RYR2: variants seen among roughly 807,000 people sequenced by gnomAD.
The protein encoded by RYR2 is ryanodine receptor 2.
RYR2 carries 227 observed loss-of-function variants against 601.1 expected under a neutral mutation model. The ratio of observed to expected loss-of-function variants is 0.38; its 90% CI spans 0.34 to 0.42. RYR2 has a LOEUF of 0.42. RYR2 is among the 10% of genes least tolerant of loss of function. RYR2 has a pLI of 1.00. For synonymous variants in RYR2, 2,223 were observed against 2,175.1 expected (o/e 1.02, Z -0.61); for missense variants, 4,646 against 6,156.5 (o/e 0.75, Z 8.21).
chr1:237,383,664 C>T (rs1279007180), intron 8 of RYR2, among the ~76,000 whole-genome samples: 6 of 151,856 alleles, frequency 4.0e-5, no homozygotes, highest in East Asian at 1.9e-4. Context: ...CTCCTGACCT[C>T]GTGATCTGCC....
intron 25 of RYR2, among the ~76,000 whole-genome samples, chr1:237,537,466 A>C (rs1375691417): frequency 1.3e-5 from 2 of 152,074 alleles, no homozygotes; most frequent in Non-Finnish European, 2.9e-5. Context: ...GGCGCCCGCC[A>C]CCACGCCCAG....
chr1:237,291,247 C>T (rs185703353), intron 2 of RYR2, among the ~76,000 whole-genome samples: 49 of 152,094 alleles, frequency 3.2e-4, no homozygotes, highest in African/African-American at 1.1e-3. Flanking sequence ...GATCACTATA[C>T]ATCTATCAGA....
In RYR2 at chr1:237,614,780, G is replaced by T. The variant is rs202117250; in HGVS notation, c.5652G>T (p.Lys1884Asn). Reference sequence around the variant, plus strand: ...AAGGAGCTGGTGAGGAAGAAGCCAAGGGGGGCAAGCGGCCCAAGGAAGGCC... The same window carrying T: ...AAGGAGCTGGTGAGGAAGAAGCCAATGGGGGCAAGCGGCCCAAGGAAGGCC... Reference protein sequence around the residue: ...KLQGAGEEEAKGGKRPKEGLL... With the variant: ...KLQGAGEEEANGGKRPKEGLL... Residue 1884 changes from lysine (K) to asparagine (N), a missense_variant, in exon 37 of 105, where the codon AAG (lysine) becomes AAT (asparagine). Coordinates refer to ENST00000366574, the MANE Select transcript of RYR2 (RefSeq NM_001035.3). The surrounding 1 kb of genome is among the most constrained non-coding windows in gnomAD (Gnocchi z 4.3). 1.9e-6 allele frequency: 3 copies of T among 1,610,332 alleles called. No homozygotes were observed. The highest frequency in any genetic ancestry group is 2.5e-6 in the Non-Finnish European group (3 of 1,177,300).
At chr1:237,659,850 T>A in intron 54 of RYR2, 135 bp from the exon 55 acceptor site, 1 of 495,756 alleles carries the variant, frequency 2.0e-6, no homozygotes. Flanking sequence ...TTATGCTGGA[T>A]AAAATTTCAA....
intron 25 of RYR2, among the ~76,000 whole-genome samples, chr1:237,534,014 A>G (rs1668376024): frequency 6.6e-6 from 1 of 152,126 alleles, no homozygotes; most frequent in South Asian, 2.1e-4. Context: ...CATGGTTTAA[A>G]TTCTCCATGT....
intron 10 of RYR2, among the ~76,000 whole-genome samples, chr1:237,389,854 G>A (rs1302481675): frequency 6.6e-6 from 1 of 152,132 alleles, no homozygotes; most frequent in Admixed American, 6.6e-5. Context: ...CTAAGTGTAA[G>A]GGGGATATTT....
At chr1:237,676,821 G>A (rs1215843196) in intron 60 of RYR2, among the ~76,000 whole-genome samples, 1 of 151,842 alleles carries the variant, frequency 6.6e-6, no homozygotes, top group Non-Finnish European at 1.5e-5. Context: ...TTCACATTTT[G>A]CACAGAAGCA....
chr1:237,777,035 A>G (rs1332928313), intron 87 of RYR2, among the ~76,000 whole-genome samples: 1 of 152,068 alleles, frequency 6.6e-6, no homozygotes, highest in Admixed American at 6.6e-5. Context: ...TGTCTGTCAC[A>G]CTTTCTAATA....
intron 1 of RYR2, among the ~76,000 whole-genome samples, chr1:237,072,999 G>C (rs974164004): frequency 6.6e-6 from 1 of 150,882 alleles, no homozygotes; most frequent in East Asian, 1.9e-4. Flanking sequence ...TAATGCTCCA[G>C]GAAGCTGCCA....
At chr1:237,537,504 G>A (rs1337206669) in intron 25 of RYR2, among the ~76,000 whole-genome samples, 1 of 152,020 alleles carries the variant, frequency 6.6e-6, no homozygotes, top group African/African-American at 2.4e-5. Flanking sequence ...TAGTAGAGAC[G>A]GGATTTCACC....
intron 1 of RYR2, among the ~76,000 whole-genome samples, chr1:237,091,191 C>T (rs540534797): frequency 7.5e-4 from 114 of 152,260 alleles, no homozygotes; most frequent in Middle Eastern, 3.4e-3. Context: ...CTGCTAACTA[C>T]TGGGGGGTTC....
chr1:237,773,754 T>G (rs1156362035), intron 87 of RYR2, 106 bp downstream of exon 87: 3 of 820,456 alleles, frequency 3.7e-6, no homozygotes, highest in Non-Finnish European at 5.5e-6. Context: ...TCTGAGTTTC[T>G]TTGCAAATTG....
intron 1 of RYR2, among the ~76,000 whole-genome samples, chr1:237,259,540 A>AG (rs1464803259): frequency 1.3e-4 from 6 of 47,700 alleles, no homozygotes; most frequent in African/African-American, 4.1e-4. Flanking sequence ...AAAAAAAAAA[A>AG]AAAAAAAGAG....
chr1:237,368,252 A>G (rs150613977), intron 5 of RYR2, among the ~76,000 whole-genome samples: 92 of 152,344 alleles, frequency 6.0e-4, no homozygotes, highest in African/African-American at 2.1e-3. Context: ...AAATTATAAC[A>G]TCAATACATA....
chr1:237,525,128 C>G (rs1474031545), intron 24 of RYR2, among the ~76,000 whole-genome samples: 1 of 152,146 alleles, frequency 6.6e-6, no homozygotes, highest in Non-Finnish European at 1.5e-5. Flanking sequence ...CTCCTGCTCT[C>G]CTTGCTTTGA....
At chr1:237,091,286 A>C (rs1051805480) in intron 1 of RYR2, among the ~76,000 whole-genome samples, 4 of 152,194 alleles carry the variant, frequency 2.6e-5, no homozygotes, top group African/African-American at 9.7e-5. Flanking sequence ...TGACTGAGGG[A>C]TGGAAACTTT....
intron 1 of RYR2, among the ~76,000 whole-genome samples, chr1:237,071,384 C>A (rs147698770): frequency 6.6e-6 from 1 of 152,154 alleles, no homozygotes; most frequent in Admixed American, 6.5e-5. Context: ...TCGCCATGCC[C>A]GGCTAATTTT....
chr1:237,131,552 G>A (rs1350549936), intron 1 of RYR2, among the ~76,000 whole-genome samples: 1 of 152,108 alleles, frequency 6.6e-6, no homozygotes, highest in Non-Finnish European at 1.5e-5. Context: ...TCATGGAAAA[G>A]GTTAATACTA....
intron 5 of RYR2, among the ~76,000 whole-genome samples, chr1:237,368,854 T>C (rs886064522): frequency 6.6e-6 from 1 of 151,736 alleles, no homozygotes; most frequent in African/African-American, 2.4e-5. Flanking sequence ...GATAGAGTCC[T>C]GCTCTGTTGC....
Sources: allele counts gnomAD v4.1 joint callset (sites outside exome capture counted in the v4.1 genomes callset), GRCh38; gene constraint gnomAD v4.1.1; non-coding constraint Gnocchi (gnomAD v3.1); transcripts MANE v1.5; gene names NCBI Gene and HGNC (gene_info 2026-07-23, HGNC 2026-07-21).